NBEAL1: variants seen among roughly 807,000 people sequenced by gnomAD.
NBEAL1 encodes neurobeachin-like protein 1.
Under a neutral mutation model 351.3 loss-of-function variants are expected in NBEAL1, and 273 were observed. The observed-to-expected ratio is 0.78, with a 90% CI of 0.70 to 0.86. NBEAL1 has a LOEUF of 0.86. NBEAL1 is among the 40% of genes least tolerant of loss of function. NBEAL1 has a pLI of 0.00. For missense variants in NBEAL1, 2,961 were observed against 3,201.3 expected (o/e 0.92, Z 1.81); for synonymous variants, 1,050 against 1,086.4 (o/e 0.97, Z 0.66).
chr2:203,132,142 A>G lies in NBEAL1; in HGVS notation c.3724+10A>G. 4 of 1,426,082 alleles carry G rather than the reference A, an allele frequency of 2.8e-6. No individual in the cohort carries two copies. The highest frequency in any genetic ancestry group is 1.4e-5 in the South Asian group (1 of 74,048). 88.3% of individuals were successfully genotyped at this position (1,426,082 alleles called of 1,614,324 possible). ...CAAATCATAAATACAGGTATGAATAAGGCTAATAAAGCTAACATATTTAAG... is the reference window on the plus strand; with the variant it reads ...CAAATCATAAATACAGGTATGAATAGGGCTAATAAAGCTAACATATTTAAG... On this transcript the variant is annotated intron_variant, in intron 26 of 55. Transcript: ENST00000683969.
At chr2:203,181,550 A>G (rs1278030284) in intron 43 of NBEAL1, 1 of 152,198 alleles carries the variant, frequency 6.6e-6, no homozygotes, top group African/African-American at 2.4e-5. Context: ...AAGTACAAAT[A>G]AGGAAATTAG....
intron 38 of NBEAL1, among the ~76,000 whole-genome samples, chr2:203,169,400 A>C (rs2064247729): frequency 6.6e-6 from 1 of 150,616 alleles, no homozygotes; most frequent in Admixed American, 6.6e-5. Flanking sequence ...AAAAAAAAAA[A>C]AAAAAAAAAA....
At chr2:203,163,534 C>T (rs1429678443) in intron 36 of NBEAL1, among the ~76,000 whole-genome samples, 1 of 152,062 alleles carries the variant, frequency 6.6e-6, no homozygotes, top group African/African-American at 2.4e-5. Context: ...CTGAAATCAC[C>T]TTCTCCCCAG....
intron 45 of NBEAL1, among the ~76,000 whole-genome samples, chr2:203,189,723 A>AT (rs759181794): frequency 1.2e-4 from 19 of 152,074 alleles, no homozygotes; most frequent in Non-Finnish European, 2.1e-4. Context: ...TTAACTTTCA[A>AT]TTGCTTAAAA....
chr2:203,213,461 C>T, intron 54 of NBEAL1, 57 bp from the exon 55 acceptor site: 1 of 1,439,740 alleles, frequency 6.9e-7, no homozygotes, highest in Non-Finnish European at 9.6e-7. Context: ...ATATAAAATT[C>T]TGTGAATTCA....
intron 29 of NBEAL1, among the ~76,000 whole-genome samples, chr2:203,137,727 T>C (rs2063250963): frequency 6.6e-6 from 1 of 152,218 alleles, no homozygotes; most frequent in Non-Finnish European, 1.5e-5. Context: ...CTCATGCCTG[T>C]AATCCCAGCA....
chr2:203,057,515 C>G, intron 6 of NBEAL1, 62 bp downstream of exon 6: 1 of 1,386,192 alleles, frequency 7.2e-7, no homozygotes, highest in South Asian at 1.4e-5. Flanking sequence ...TTTGATTCTT[C>G]AAAGCAGGTC....
chr2:203,093,535 G>A (rs567586129), intron 10 of NBEAL1, among the ~76,000 whole-genome samples: 76 of 152,262 alleles, frequency 5.0e-4, no homozygotes, highest in African/African-American at 1.7e-3. Context: ...AAACAAAAAT[G>A]CTGGAGAAGA....
At chr2:203,211,457 T>C (rs2065787556) in intron 54 of NBEAL1, among the ~76,000 whole-genome samples, 2 of 151,968 alleles carry the variant, frequency 1.3e-5, no homozygotes, top group African/African-American at 4.8e-5. Flanking sequence ...CCTGGGCACA[T>C]AGCAAGACCT....
chr2:203,126,950 A>T, intron 23 of NBEAL1, 24 bp downstream of exon 23: 2 of 1,437,850 alleles, frequency 1.4e-6, no homozygotes, highest in Non-Finnish European at 1.9e-6. Flanking sequence ...GTTCTTTCTC[A>T]GTTTGATATA....
chr2:203,133,470 C>A (rs1480847262), intron 27 of NBEAL1, among the ~76,000 whole-genome samples: 9 of 151,814 alleles, frequency 5.9e-5, no homozygotes, highest in Admixed American at 5.9e-4. Flanking sequence ...TATAGAGTTT[C>A]TGAATCTTTT....
chr2:203,076,132 G>A (rs967116312), intron 7 of NBEAL1, among the ~76,000 whole-genome samples: 2 of 152,140 alleles, frequency 1.3e-5, no homozygotes, highest in South Asian at 4.1e-4. Context: ...CATTGTAGTG[G>A]TGTATGCCCT....
intron 48 of NBEAL1, among the ~76,000 whole-genome samples, chr2:203,197,771 TG>T (rs957313241): frequency 6.6e-6 from 1 of 151,880 alleles, no homozygotes. Context: ...TAGAAAGGCG[TG>T]GAGGCAGGTG....
rs781390709 is a variant in NBEAL1, at chr2:203,126,856, G to A, written c.3178G>A (p.Asp1060Asn). ...HIQYLSTIIK[D>N]SRRVFRKKYG... is the part of the protein sequence containing the mutation. ...ACAGTATCTTTCAACCATCATTAAA[G>A]ACAGCAGGAGAGTTTTCCGAAAGAA... Residue 1060 changes from aspartate to asparagine, a missense_variant, in exon 23 of 56, where the codon GAC (aspartate) becomes AAC (asparagine). Asp to Asn is a conservative substitution (Grantham distance 23). Coordinates refer to ENST00000683969, the MANE Select transcript of NBEAL1 (RefSeq NM_001378026.1). 1 of 1,552,586 alleles carries A rather than the reference G, an allele frequency of 6.4e-7. No individual in the cohort carries two copies. Among genetic ancestry groups the A allele is most frequent in the South Asian group, 1.2e-5 (1 of 84,122 alleles).
chr2:203,191,195 T>G, intron 46 of NBEAL1: 1 of 1,560,554 alleles, frequency 6.4e-7, no homozygotes, highest in Non-Finnish European at 8.8e-7. Context: ...GCCCAGTCTG[T>G]GGGCTGTAAT....
At chr2:203,205,891 G>A (rs2065540284) in intron 51 of NBEAL1, among the ~76,000 whole-genome samples, 1 of 152,210 alleles carries the variant, frequency 6.6e-6, no homozygotes, top group Non-Finnish European at 1.5e-5. Flanking sequence ...AGACAAATTT[G>A]TCACAGGTAG....
chr2:203,075,259 TTTC>T (rs1480971355), intron 7 of NBEAL1: 2 of 152,228 alleles, frequency 1.3e-5, no homozygotes, highest in African/African-American at 2.4e-5. Context: ...TGAGTTGTAT[TTTC>T]TTATTTAAAT....
At chr2:203,197,457 G>T (rs1450056054) in intron 48 of NBEAL1, 66 bp downstream of exon 48, 2 of 1,155,884 alleles carry the variant, frequency 1.7e-6, no homozygotes, top group Non-Finnish European at 2.6e-6. Context: ...AAAAAAAGAG[G>T]AAATAAATAT....
chr2:203,209,713 A>ATGTGTGTGTGTGTGTGTGTGTGTGTG (rs56169732), intron 53 of NBEAL1, among the ~76,000 whole-genome samples: 5 of 138,684 alleles, frequency 3.6e-5, no homozygotes, highest in African/African-American at 1.3e-4. Context: ...TTTAATTAAT[A>ATGTGTGTGTGTGTGTGTGTGTGTGTG]TGTGTGTGTG....
Sources: allele counts gnomAD v4.1 joint callset (sites outside exome capture counted in the v4.1 genomes callset), GRCh38; gene constraint gnomAD v4.1.1; transcripts MANE v1.5; gene names NCBI Gene and HGNC (gene_info 2026-07-23, HGNC 2026-07-21).